OTOF: variants seen among roughly 807,000 people sequenced by gnomAD.
The protein encoded by OTOF is otoferlin.
Under a neutral mutation model 236.8 loss-of-function variants are expected in OTOF, and 218 were observed. The observed-to-expected ratio is 0.92, with a 90% confidence interval of 0.82 to 1.03. The LOEUF is 1.03. Among genes scored for constraint, OTOF ranks in the 50% least tolerant of loss-of-function variants. The probability of loss-of-function intolerance (pLI) is 0.00; values close to 1 mark genes in which losing one functional copy is unlikely to be tolerated. For missense variants in OTOF, 2,590 were observed against 2,694.4 expected, an observed-to-expected ratio of 0.96 and a Z score of 0.86; for synonymous variants, 1,041 against 1,072.5, an observed-to-expected ratio of 0.97 and a Z score of 0.57.
At chr2:26,537,914 T>A in intron 1 of OTOF, 140 bp from the exon 2 acceptor site, 1 of 715,446 alleles carries the variant, frequency 1.4e-6, no homozygotes, top group Non-Finnish European at 2.5e-6. Flanking sequence ...TGCTCACCTC[T>A]CCCAGGGTGA....
intron 33 of OTOF, 140 bp from the exon 34 acceptor site, chr2:26,467,641 C>T (rs1211196345): frequency 1.8e-6 from 2 of 1,100,368 alleles, no homozygotes; most frequent in African/African-American, 1.5e-5. Flanking sequence ...GATAATACTC[C>T]CTAGCATGCC....
At position 26,486,081 on chromosome 2, in the gene OTOF, G is replaced by A. The variant is rs74897827; in HGVS notation, c.1046-1448C>T. Among the ~76,000 whole-genome samples, 164 of 152,286 alleles carry A rather than the reference G, an allele frequency of 1.1e-3. 5 individuals carry two copies. The East Asian group carries it at 0.027, about 25-fold the overall frequency. ...CTGCCTGGCCGGCTGAGAGATAGACGGACAGATGGTGAATGGATTACTGGA... is the reference window on the plus strand; with the variant it reads ...CTGCCTGGCCGGCTGAGAGATAGACAGACAGATGGTGAATGGATTACTGGA... On this transcript the variant is annotated intron_variant, in intron 11 of 46. Transcript: ENST00000272371.
chr2:26,515,402 T>TTGTGTG (rs34418795), intron 5 of OTOF, among the ~76,000 whole-genome samples: 1 of 151,578 alleles, frequency 6.6e-6, no homozygotes, highest in Non-Finnish European at 1.5e-5. Flanking sequence ...TTTCTGAAGC[T>TTGTGTG]TGTGTGTGTG....
rs973895083 is a variant in OTOF, at chr2:26,460,446, T to C, written c.5813+201A>G. ...TAGATGGGGCCTTTCCCAGGGAAGG[T>C]CCTGCTCTCCAGTATTCCTAGCCCA... On this transcript the variant is annotated intron_variant, in intron 45 of 46. Transcript: ENST00000272371. The surrounding 1 kb of genome is among the most constrained non-coding windows in gnomAD (Gnocchi z 5.3). 1.3e-4 allele frequency among the ~76,000 whole-genome samples: 20 copies of C among 152,128 alleles called. No homozygotes were observed. Among genetic ancestry groups the C allele is most frequent in the African/African-American group, 4.8e-4 (20 of 41,426 alleles).
rs727503358 is a variant in OTOF at position 26,477,510 on chromosome 2, G to A, written c.2316-4C>T. 15 of 1,601,704 alleles carry A rather than the reference G, an allele frequency of 9.4e-6. No individual in the cohort carries two copies. The highest frequency in any genetic ancestry group is 2.7e-5 in the African/African-American group (2 of 74,772). On this transcript the variant is annotated splice_region_variant and splice_polypyrimidine_tract_variant and intron_variant, in intron 19 of 46. Coordinates refer to ENST00000272371, the MANE Select transcript of OTOF (RefSeq NM_194248.3). This position sits in a 1 kb window ranked among gnomAD's most constrained non-coding sequence, Gnocchi z 4.7. Reference sequence around the variant, plus strand: ...GTCAGCGAGGGAGAGGAAGCGGCTGGGGGTAGGGCGAGCCGGGGTTTAGCG... The same window carrying A: ...GTCAGCGAGGGAGAGGAAGCGGCTGAGGGTAGGGCGAGCCGGGGTTTAGCG...
rs727503355 is a variant in OTOF, at chr2:26,467,119, G to A, written c.4342C>T (p.Arg1448Cys). The change falls in exon 35 of 47, where the codon CGC (arginine) becomes TGC (cysteine). Residue 1448 changes from arginine (R) to cysteine (C), a missense_variant. Physicochemically the swap from Arg to Cys is radical, Grantham distance 180. Around this residue, in one of 2 missense-constraint regions of OTOF, gnomAD observed 1,211 missense variants for 1,352.8 expected, o/e 0.90. Transcript: ENST00000272371. ...DDEDGSTEEE[R>C]IVGRFKGSLC... ...CTGACCTTGAAGCGTCCCACAATGC[G>A]CTCCTCCTCGGTGGAGCCATCCTCA... 75 of 1,613,664 alleles carry A rather than the reference G, an allele frequency of 4.6e-5. No individual in the cohort carries two copies. Among genetic ancestry groups the A allele is most frequent in the Admixed American group, 6.7e-5 (4 of 60,014 alleles).
intron 24 of OTOF, 40 bp from the exon 25 acceptor site, chr2:26,475,533 G>GC (rs150711817): frequency 1.3e-6 from 2 of 1,576,694 alleles, no homozygotes; most frequent in East Asian, 4.6e-5. Flanking sequence ...AAGTGACAGA[G>GC]GGGGGGGCAG....
Position 26,480,877 on chromosome 2 carries a change from A to G in OTOF, c.1712T>C (p.Leu571Pro), listed in dbSNP as rs749724713. 1.1e-5 allele frequency: 18 copies of G among 1,612,810 alleles called. No individual in the cohort carries two copies. The highest frequency in any genetic ancestry group is 1.7e-6 in the Non-Finnish European group (2 of 1,179,950). Residue 571 changes from leucine to proline, a missense_variant, in exon 15 of 47, where the codon CTG (leucine) becomes CCG (proline). Around this residue, in one of 2 missense-constraint regions of OTOF, gnomAD observed 1,379 missense variants for 1,341.6 expected, o/e 1.03. Coordinates refer to ENST00000272371, the MANE Select transcript of OTOF (RefSeq NM_194248.3). The stretch of plus-strand genomic sequence containing the variant: ...GTCTACGATCTCCACAGCCAGGCCC[A>G]GCAGGAGCCGGGCCCGGAAGGACAC... ...EGVSFRARLLLGLAVEIVDTS... is the reference protein window; with the variant it reads ...EGVSFRARLLPGLAVEIVDTS...
intron 36 of OTOF, chr2:26,466,417 A>G (rs1664729218): frequency 3.9e-6 from 2 of 508,552 alleles, no homozygotes; most frequent in East Asian, 3.8e-5. Flanking sequence ...GCTCACTGCA[A>G]GCTCCACCTC....
intron 30 of OTOF, among the ~76,000 whole-genome samples, chr2:26,471,995 A>G (rs1402881065): frequency 6.6e-6 from 1 of 151,968 alleles, no homozygotes; most frequent in African/African-American, 2.4e-5. Context: ...GCACACACAT[A>G]TGCACACACC....
chr2:26,532,372 C>T (rs1210575124), intron 2 of OTOF, among the ~76,000 whole-genome samples: 4 of 152,166 alleles, frequency 2.6e-5, no homozygotes, highest in African/African-American at 4.8e-5. Flanking sequence ...TGAATCCTCT[C>T]CTGAAGCCTG....
intron 1 of OTOF, among the ~76,000 whole-genome samples, chr2:26,538,617 C>T (rs969078159): frequency 6.6e-6 from 1 of 152,278 alleles, no homozygotes; most frequent in Admixed American, 6.5e-5. Context: ...GTCGAGGGGG[C>T]TCCATCGTGT....
chr2:26,459,082 A>G (rs933269408), intron 46 of OTOF, among the ~76,000 whole-genome samples: 7 of 152,252 alleles, frequency 4.6e-5, no homozygotes, highest in African/African-American at 1.7e-4. Context: ...TGTTCAGGCC[A>G]TGGTGGCTAT....
chr2:26,463,180 C>T (rs764725317), intron 41 of OTOF, among the ~76,000 whole-genome samples: 4 of 152,094 alleles, frequency 2.6e-5, no homozygotes, highest in Non-Finnish European at 4.4e-5. Flanking sequence ...TGTGTATGGG[C>T]GCGTAGACCG....
intron 11 of OTOF, among the ~76,000 whole-genome samples, 173 bp from the exon 12 acceptor site, chr2:26,484,806 T>G (rs1665662370): frequency 6.6e-6 from 1 of 152,090 alleles, no homozygotes; most frequent in Non-Finnish European, 1.5e-5. Flanking sequence ...GAGTCTGAGG[T>G]CCTCTGGAGC....
chr2:26,524,092 G>A (rs886426717), intron 3 of OTOF, among the ~76,000 whole-genome samples: 3 of 152,264 alleles, frequency 2.0e-5, no homozygotes, highest in Non-Finnish European at 4.4e-5. Context: ...TCTCCCACCA[G>A]GCCTGGGCCT....
At chr2:26,557,095 C>G (rs550663508) in intron 1 of OTOF, among the ~76,000 whole-genome samples, 2 of 152,186 alleles carry the variant, frequency 1.3e-5, no homozygotes, top group Non-Finnish European at 2.9e-5. Context: ...TCACCTCCAC[C>G]CCTGCCTGTC....
At chr2:26,496,956 G>A (rs189184970) in intron 8 of OTOF, among the ~76,000 whole-genome samples, 1 of 152,280 alleles carries the variant, frequency 6.6e-6, no homozygotes, top group East Asian at 1.9e-4. Context: ...CTTCAGCTAA[G>A]CGGTTGATCT....
intron 16 of OTOF, 31 bp from the exon 17 acceptor site, chr2:26,479,684 G>C: frequency 1.2e-6 from 2 of 1,605,160 alleles, no homozygotes; most frequent in Non-Finnish European, 1.7e-6. Flanking sequence ...AAGGCCTAGA[G>C]TGCATTCCCC....
Sources: allele counts gnomAD v4.1 joint callset (sites outside exome capture counted in the v4.1 genomes callset), GRCh38; gene constraint gnomAD v4.1.1; regional missense constraint gnomAD v4.1.1; non-coding constraint Gnocchi (gnomAD v3.1); transcripts MANE v1.5; gene names NCBI Gene and HGNC (gene_info 2026-07-23, HGNC 2026-07-21).